SORBS2: variants seen among roughly 807,000 people sequenced by gnomAD.
SORBS2 encodes sorbin and SH3 domain containing 2, also known as sorbin and SH3 domain-containing protein 2.
In SORBS2, 46 loss-of-function variants were observed where a neutral mutation model predicts 97.7. That is an observed-to-expected ratio of 0.47 (90% confidence interval 0.37 to 0.60). SORBS2 has a LOEUF of 0.60. SORBS2 is among the 20% of genes least tolerant of loss of function. SORBS2 has a pLI of 0.00. For missense variants in SORBS2, 1,316 were observed against 1,282.3 expected (o/e 1.03, Z -0.40); for synonymous variants, 476 against 473.4 (o/e 1.01, Z -0.07).
At chr4:185,625,164 CTACCTT>C (rs2096789942) in intron 6 of SORBS2, among the ~76,000 whole-genome samples, 1 of 152,154 alleles carries the variant, frequency 6.6e-6, no homozygotes, top group South Asian at 2.1e-4. Flanking sequence ...TTAAATTGCT[CTACCTT>C]TAACCTTTTA....
chr4:185,752,420 CG>C (rs760301089), intron 2 of SORBS2, among the ~76,000 whole-genome samples: 10 of 152,212 alleles, frequency 6.6e-5, no homozygotes, highest in Non-Finnish European at 1.2e-4. Flanking sequence ...GGACTACAGG[CG>C]CCCGCCACCA....
chr4:185,792,988 T>G (rs1039667568), intron 1 of SORBS2, among the ~76,000 whole-genome samples: 1 of 152,228 alleles, frequency 6.6e-6, no homozygotes, highest in Non-Finnish European at 1.5e-5. Context: ...TCAGAGCGTT[T>G]GTGTGAATAG....
At chr4:185,844,661 C>T (rs1052650088) in intron 1 of SORBS2, among the ~76,000 whole-genome samples, 1 of 152,176 alleles carries the variant, frequency 6.6e-6, no homozygotes, top group Non-Finnish European at 1.5e-5. Flanking sequence ...CACCGATGCT[C>T]ACAGCGGCAT....
intron 1 of SORBS2, among the ~76,000 whole-genome samples, chr4:185,869,680 C>G (rs542592935): frequency 2.6e-5 from 4 of 152,330 alleles, no homozygotes; most frequent in East Asian, 1.9e-4. Context: ...AAATGGGGTT[C>G]TCTTACTAAG....
chr4:185,933,179 A>C (rs1317893163), intron 1 of SORBS2: 2 of 152,168 alleles, frequency 1.3e-5, no homozygotes, highest in Non-Finnish European at 2.9e-5. Flanking sequence ...AGTGTCTCCA[A>C]AGGCAGTACG....
At chr4:185,712,678 G>A (rs1340364398) in intron 2 of SORBS2, among the ~76,000 whole-genome samples, 4 of 152,178 alleles carry the variant, frequency 2.6e-5, no homozygotes, top group Non-Finnish European at 4.4e-5. Context: ...ATGCTCGAAC[G>A]GGGACTGCAT....
At chr4:185,871,147 A>C (rs1291107406) in intron 1 of SORBS2, among the ~76,000 whole-genome samples, 1 of 152,238 alleles carries the variant, frequency 6.6e-6, no homozygotes, top group Admixed American at 6.5e-5. Flanking sequence ...AATAGTGTAC[A>C]TGTCAGGCAC....
chr4:185,659,923 A>T (rs915921919), upstream of SORBS2, among the ~76,000 whole-genome samples: 7 of 152,326 alleles, frequency 4.6e-5, no homozygotes, highest in Non-Finnish European at 8.8e-5. Flanking sequence ...CATTCTATGA[A>T]CCCATACCTT....
Position 185,891,808 on chromosome 4 carries a change from C to G in SORBS2, c.-338+64388G>C, listed in dbSNP as rs564548681. On this transcript the variant is annotated intron_variant, in intron 1 of 20. Transcript: ENST00000284776. ...GAATTGGTTTTGTCTGTGTAGTGGG[C>G]AAGAAGAGCCCATCAGGTGGTTACA... 2.0e-5 allele frequency among the ~76,000 whole-genome samples: 3 copies of G among 152,214 alleles called. No individual in the cohort carries two copies. The East Asian group carries it at 5.8e-4, about 29-fold the overall frequency.
intron 1 of SORBS2, among the ~76,000 whole-genome samples, chr4:185,928,811 G>A (rs1040258273): frequency 3.3e-5 from 5 of 152,200 alleles, no homozygotes; most frequent in African/African-American, 1.2e-4. Flanking sequence ...CTCCTAAAGT[G>A]CTGGGATTCC....
chr4:185,815,224 T>C (rs1360359126), intron 1 of SORBS2, among the ~76,000 whole-genome samples: 1 of 152,258 alleles, frequency 6.6e-6, no homozygotes, highest in African/African-American at 2.4e-5. Context: ...CTTTTCATTG[T>C]TGATGGTTTT....
At chr4:185,816,987 G>A (rs953638303) in intron 1 of SORBS2, among the ~76,000 whole-genome samples, 1 of 152,198 alleles carries the variant, frequency 6.6e-6, no homozygotes, top group Non-Finnish European at 1.5e-5. Context: ...TAAGGAAAAT[G>A]TGGCAAGAGG....
At chr4:185,830,066 G>C (rs546765068) in intron 1 of SORBS2, among the ~76,000 whole-genome samples, 1 of 152,272 alleles carries the variant, frequency 6.6e-6, no homozygotes, top group South Asian at 2.1e-4. Flanking sequence ...ATGATATAGT[G>C]TTAAGAGGCA....
chr4:185,741,424 G>A lies in SORBS2; in HGVS notation c.-198+33803C>T, dbSNP rs548591318. ...TTTTTGTTTTTTTTTTTTTTTTTGA[G>A]GGGGAGTCTCGCTCTGTCGCCCAGG... On this transcript the variant is annotated intron_variant, in intron 2 of 20. Transcript: ENST00000284776. 3.5e-3 allele frequency among the ~76,000 whole-genome samples: 231 copies of A among 65,828 alleles called. 2 individuals carry two copies. The highest frequency in any genetic ancestry group is 0.021 in the Middle Eastern group (2 of 94). The allele number at this position is 65,828 out of a possible 152,430, so 43.2% of individuals were successfully genotyped here.
intron 1 of SORBS2, among the ~76,000 whole-genome samples, chr4:185,867,125 C>G (rs2099227315): frequency 6.6e-6 from 1 of 152,188 alleles, no homozygotes; most frequent in African/African-American, 2.4e-5. Flanking sequence ...GATTCTCCTG[C>G]CTCAGCCTCC....
intron 2 of SORBS2, chr4:185,710,010 G>C (rs150073872): frequency 2.6e-4 from 40 of 152,262 alleles, no homozygotes; most frequent in African/African-American, 9.4e-4. Flanking sequence ...GTTAAGGAGA[G>C]GGACAAAGTC....
chr4:185,648,404 T>G (rs1183325664), intron 3 of SORBS2, among the ~76,000 whole-genome samples: 1 of 151,808 alleles, frequency 6.6e-6, no homozygotes, highest in East Asian at 1.9e-4. Context: ...TGGTAATTGC[T>G]TGAACCCGGG....
intron 12 of SORBS2, among the ~76,000 whole-genome samples, chr4:185,599,612 G>A (rs188506484): frequency 6.6e-6 from 1 of 152,152 alleles, no homozygotes; most frequent in East Asian, 1.9e-4. Context: ...GTGTGAGTTC[G>A]GCACTGTAGA....
At chr4:185,915,711 C>A (rs1264321247) in intron 1 of SORBS2, among the ~76,000 whole-genome samples, 7 of 151,926 alleles carry the variant, frequency 4.6e-5, no homozygotes, top group Admixed American at 1.3e-4. Flanking sequence ...TGCCCCCCAC[C>A]CCCAGCATTA....
Sources: allele counts gnomAD v4.1 joint callset (sites outside exome capture counted in the v4.1 genomes callset), GRCh38; gene constraint gnomAD v4.1.1; transcripts MANE v1.5; gene names NCBI Gene and HGNC (gene_info 2026-07-23, HGNC 2026-07-21).